CUX2: variants seen among roughly 807,000 people sequenced by gnomAD.
CUX2 encodes cut like homeobox 2, also known as homeobox protein cut-like 2.
A neutral mutation model predicts 144.8 loss-of-function variants in CUX2; 40 were observed. The observed-to-expected ratio is 0.28, with a 90% confidence interval of 0.21 to 0.36. The LOEUF (loss-of-function observed/expected upper bound fraction) is 0.36. Among genes scored for constraint, CUX2 ranks in the 10% least tolerant of loss-of-function variants. CUX2 has a pLI of 1.00. For synonymous variants in CUX2, 827 were observed against 875.6 expected (o/e 0.94, Z 0.98); for missense variants, 1,615 against 1,994.0 (o/e 0.81, Z 3.62).
intron 16 of CUX2, among the ~76,000 whole-genome samples, chr12:111,316,652 G>A (rs1322964347): frequency 1.3e-5 from 2 of 151,850 alleles, no homozygotes; most frequent in Admixed American, 6.6e-5. Flanking sequence ...GTTTCACCAC[G>A]TTGGCCAGAC....
At chr12:111,083,411 G>A (rs1592875647) in intron 1 of CUX2, among the ~76,000 whole-genome samples, 1 of 152,108 alleles carries the variant, frequency 6.6e-6, no homozygotes, top group African/African-American at 2.4e-5. Context: ...GGGCCTGATG[G>A]GTCTATGGGA....
At chr12:111,099,990 G>A (rs765603083) in intron 1 of CUX2, 8 of 457,258 alleles carry the variant, frequency 1.7e-5, no homozygotes, top group African/African-American at 4.0e-5. Flanking sequence ...GCAGCCTTTC[G>A]CTTTTATTTT....
intron 4 of CUX2, among the ~76,000 whole-genome samples, chr12:111,264,504 G>C (rs144127805): frequency 6.6e-6 from 1 of 152,288 alleles, no homozygotes; most frequent in African/African-American, 2.4e-5. Flanking sequence ...GGAGGCCGAG[G>C]TGGGCCGATC....
chr12:111,144,111 C>A (rs553276901), intron 1 of CUX2, among the ~76,000 whole-genome samples: 2 of 152,290 alleles, frequency 1.3e-5, no homozygotes, highest in South Asian at 4.1e-4. Context: ...TATGATCCCC[C>A]CTATTAGATC....
chr12:111,330,895 T>C (rs1359476815), intron 18 of CUX2, among the ~76,000 whole-genome samples: 1 of 150,008 alleles, frequency 6.7e-6, no homozygotes, highest in Non-Finnish European at 1.5e-5. Flanking sequence ...TAGCAAACTG[T>C]GACAATATAT....
intron 9 of CUX2, among the ~76,000 whole-genome samples, chr12:111,303,028 C>T (rs1886371217): frequency 6.6e-6 from 1 of 151,650 alleles, no homozygotes; most frequent in Non-Finnish European, 1.5e-5. Context: ...TCAAGACCAG[C>T]CTAGCCAACA....
intron 9 of CUX2, among the ~76,000 whole-genome samples, chr12:111,303,503 G>T (rs1886415022): frequency 6.6e-6 from 1 of 151,886 alleles, no homozygotes; most frequent in Non-Finnish European, 1.5e-5. Flanking sequence ...GGGTGTGGTG[G>T]TGTGCACTTG....
chr12:111,290,518 C>T (rs1338054216), intron 4 of CUX2, among the ~76,000 whole-genome samples: 1 of 152,034 alleles, frequency 6.6e-6, no homozygotes, highest in Non-Finnish European at 1.5e-5. Context: ...ACCTCTGCCT[C>T]CCTGGTTCAA....
intron 3 of CUX2, among the ~76,000 whole-genome samples, chr12:111,247,014 T>C (rs1354492212): frequency 6.6e-6 from 1 of 152,200 alleles, no homozygotes; most frequent in African/African-American, 2.4e-5. Context: ...TCAACATCTA[T>C]TGAGTATCTT....
intron 1 of CUX2, among the ~76,000 whole-genome samples, chr12:111,200,554 C>T (rs1392176441): frequency 2.0e-5 from 3 of 151,956 alleles, no homozygotes; most frequent in African/African-American, 4.8e-5. Flanking sequence ...GTCGTGGGGT[C>T]ATCTGGGAAG....
Position 111,040,822 on chromosome 12 carries a change from A to G in CUX2, c.63+6582A>G, listed in dbSNP as rs1050006754. On this transcript the variant is annotated intron_variant, in intron 1 of 21. Coordinates refer to ENST00000261726, the MANE Select transcript of CUX2 (RefSeq NM_015267.4). ...CTGCCATTAGCATGAAACAGCCACA[A>G]TGAGAATGAATGGACGTGGCTGTGT... is the stretch of plus-strand genomic sequence containing the variant. 5.9e-5 allele frequency among the ~76,000 whole-genome samples: 9 copies of G among 152,164 alleles called. No individual in the cohort carries two copies. The South Asian group carries it at 6.2e-4, about 11-fold the overall frequency.
At chr12:111,323,155 C>G (rs767875447) in intron 18 of CUX2, among the ~76,000 whole-genome samples, 9 of 152,324 alleles carry the variant, frequency 5.9e-5, no homozygotes, top group Middle Eastern at 3.4e-3. Flanking sequence ...TGCCAGGGCC[C>G]TGGTGAGGCA....
At chr12:111,268,913 C>T (rs954502507) in intron 4 of CUX2, among the ~76,000 whole-genome samples, 3 of 152,208 alleles carry the variant, frequency 2.0e-5, no homozygotes, top group Non-Finnish European at 4.4e-5. Context: ...CAGCGCTCTC[C>T]CACGGCACCC....
At chr12:111,108,181 G>A (rs540388947) in intron 1 of CUX2, among the ~76,000 whole-genome samples, 7 of 152,224 alleles carry the variant, frequency 4.6e-5, no homozygotes, top group Admixed American at 2.0e-4. Flanking sequence ...CTTATGATTC[G>A]ATTCAGGTTG....
chr12:111,064,958 AC>A (rs1354499001), intron 1 of CUX2, among the ~76,000 whole-genome samples: 1 of 152,090 alleles, frequency 6.6e-6, no homozygotes, highest in African/African-American at 2.4e-5. Context: ...CTAAATGTAG[AC>A]TCTGACTCTC....
chr12:111,183,706 G>T (rs1436247040), intron 1 of CUX2, among the ~76,000 whole-genome samples: 1 of 152,180 alleles, frequency 6.6e-6, no homozygotes, highest in African/African-American at 2.4e-5. Context: ...CCCTGTCCAG[G>T]TGACTGTGAG....
chr12:111,083,709 G>T (rs563628592), intron 1 of CUX2, among the ~76,000 whole-genome samples: 5 of 152,254 alleles, frequency 3.3e-5, no homozygotes, highest in Non-Finnish European at 7.4e-5. Context: ...CGCCCACCGA[G>T]CAAACTCACA....
intron 1 of CUX2, among the ~76,000 whole-genome samples, chr12:111,138,981 A>G (rs911468764): frequency 1.3e-5 from 2 of 150,716 alleles, no homozygotes; most frequent in African/African-American, 2.4e-5. Context: ...TTGAGGGCAT[A>G]TCCCCGTCCC....
chr12:111,328,982 T>TCTCTCCCCCC (rs1887963639), intron 18 of CUX2, among the ~76,000 whole-genome samples: 29 of 78,230 alleles, frequency 3.7e-4, no homozygotes, highest in African/African-American at 1.8e-3. Context: ...TCTCCCCCTC[T>TCTCTCCCCCC]CTCCCTCTCT....
Sources: allele counts gnomAD v4.1 joint callset (sites outside exome capture counted in the v4.1 genomes callset), GRCh38; gene constraint gnomAD v4.1.1; transcripts MANE v1.5; gene names NCBI Gene and HGNC (gene_info 2026-07-23, HGNC 2026-07-21).